The following PLXNA4 variants were observed in gnomAD, a reference collection of about 807,000 sequenced individuals.
PLXNA4 encodes plexin-A4.
Under a neutral mutation model 191.8 loss-of-function variants are expected in PLXNA4, and 44 were observed. That is an observed-to-expected ratio of 0.23 (90% confidence interval 0.18 to 0.29). The LOEUF is 0.29. PLXNA4 is among the 10% of genes least tolerant of loss of function. The probability of loss-of-function intolerance (pLI) is 1.00; values close to 1 mark genes in which losing one functional copy is unlikely to be tolerated. For synonymous variants in PLXNA4, 1,082 were observed against 1,009.5 expected, an observed-to-expected ratio of 1.07 and a Z score of -1.36; for missense variants, 1,800 against 2,488.8, an observed-to-expected ratio of 0.72 and a Z score of 5.89.
intron 1 of PLXNA4, among the ~76,000 whole-genome samples, chr7:132,550,941 C>T (rs1201987870): frequency 6.6e-6 from 1 of 152,218 alleles, no homozygotes; most frequent in Non-Finnish European, 1.5e-5. Context: ...CCACCTCTTC[C>T]TTCTCCTGCA....
intron 4 of PLXNA4, 58 bp downstream of exon 4, chr7:132,298,033 G>T (rs1801167015): frequency 6.2e-7 from 1 of 1,608,198 alleles, no homozygotes; most frequent in Non-Finnish European, 8.5e-7. Flanking sequence ...TTTGTACTGA[G>T]CCACAGGCTA....
chr7:132,145,774 A>G (rs1315000850), intron 28 of PLXNA4, among the ~76,000 whole-genome samples: 2 of 152,052 alleles, frequency 1.3e-5, no homozygotes, highest in East Asian at 3.9e-4. Flanking sequence ...AACCAGGATT[A>G]GAAATGGTGC....
chr7:132,296,254 C>T (rs1372533868), intron 4 of PLXNA4, among the ~76,000 whole-genome samples: 5 of 152,094 alleles, frequency 3.3e-5, no homozygotes, highest in Admixed American at 6.6e-5. Context: ...TGCCTCATTG[C>T]CAAGCCTGAA....
rs111535599 is a variant in PLXNA4 at position 132,605,509 on chromosome 7, T to TG, written c.-87+40418dup. On this transcript the variant is annotated intron_variant, in intron 2 of 4. Transcript: ENST00000378539. ...AAGGGCTTGGAAGCATGATGGTGCT[T>TG]GGGGGGCCTGTTAGGAAGTGGGTAG... Among the ~76,000 whole-genome samples the TG allele has an allele frequency of 8.2e-4, 125 of 152,104 alleles. 1 individual carries two copies. The highest frequency in any genetic ancestry group is 2.8e-3 in the African/African-American group (117 of 41,514).
intron 4 of PLXNA4, among the ~76,000 whole-genome samples, chr7:132,286,407 G>A (rs1219555257): frequency 1.3e-5 from 2 of 152,184 alleles, no homozygotes; most frequent in African/African-American, 4.8e-5. Flanking sequence ...AGAGTGCCCC[G>A]AAAGTAACAG....
At chr7:132,246,496 A>G (rs1307603353) in intron 4 of PLXNA4, among the ~76,000 whole-genome samples, 2 of 152,166 alleles carry the variant, frequency 1.3e-5, no homozygotes, top group Admixed American at 6.5e-5. Flanking sequence ...CTCAATTCAA[A>G]TAACTCACAA....
intron 2 of PLXNA4, among the ~76,000 whole-genome samples, chr7:132,491,960 C>A (rs2075421): frequency 6.6e-6 from 1 of 152,130 alleles, no homozygotes; most frequent in African/African-American, 2.4e-5. Context: ...ACCTGCCAGG[C>A]CTTCCAAGGG....
chr7:132,504,354 T>G (rs1798373443), intron 2 of PLXNA4, among the ~76,000 whole-genome samples: 1 of 152,194 alleles, frequency 6.6e-6, no homozygotes, highest in African/African-American at 2.4e-5. Context: ...CCAAAGCAGG[T>G]GCTGGGACCT....
intron 3 of PLXNA4, among the ~76,000 whole-genome samples, chr7:132,408,018 T>C (rs1794294168): frequency 6.6e-6 from 1 of 151,750 alleles, no homozygotes; most frequent in Admixed American, 6.6e-5. Flanking sequence ...CCAAAGGAAA[T>C]AGTCTGAAAT....
rs1795219352 is a variant in PLXNA4 at position 132,430,524 on chromosome 7, G to T, written c.1371+58768C>A. On this transcript the variant is annotated intron_variant, in intron 3 of 31. Transcript: ENST00000321063. ...AGTTGAGCTAAGCCTGACAAGATGA[G>T]TCGGATTAGGGTATGCACAGTTGGG... 2.0e-5 allele frequency among the ~76,000 whole-genome samples: 3 copies of T among 152,252 alleles called. No homozygotes were observed. The South Asian group carries it at 6.2e-4, about 32-fold the overall frequency.
intron 3 of PLXNA4, among the ~76,000 whole-genome samples, chr7:132,430,526 C>T (rs1049285511): frequency 2.0e-5 from 3 of 151,954 alleles, no homozygotes; most frequent in Non-Finnish European, 2.9e-5. Flanking sequence ...CAAGATGAGT[C>T]GGATTAGGGT....
chr7:132,145,306 G>T lies in PLXNA4; in HGVS notation c.5056-18C>A. On this transcript the variant is annotated intron_variant, in intron 28 of 31. Coordinates refer to ENST00000321063, the MANE Select transcript of PLXNA4 (RefSeq NM_020911.2). The stretch of plus-strand genomic sequence containing the variant: ...AGTGTGCCCTGGAGAGGCAGGATAC[G>T]TCCAGACACAGCTCGACTCACGTAG... 1 of 1,613,314 alleles carries T rather than the reference G, an allele frequency of 6.2e-7. No homozygotes were observed. Among genetic ancestry groups the T allele is most frequent in the Non-Finnish European group, 8.5e-7 (1 of 1,179,268 alleles).
At chr7:132,151,450 A>G (rs1342685150) in intron 25 of PLXNA4, among the ~76,000 whole-genome samples, 11 of 37,786 alleles carry the variant, frequency 2.9e-4, no homozygotes, top group Non-Finnish European at 3.6e-4. Context: ...GAGGAGGAAG[A>G]AGAAGGAGGA....
rs771221711 is a variant in PLXNA4 at position 132,179,936 on chromosome 7, G to A, written c.3640-15C>T. The A allele has an allele frequency of 3.1e-6, 5 of 1,592,730 alleles. 1 individual carries two copies. The highest frequency in any genetic ancestry group is 3.9e-4 in the Middle Eastern group (2 of 5,104). On this transcript the variant is annotated splice_polypyrimidine_tract_variant and intron_variant, in intron 19 of 31. Coordinates refer to ENST00000321063, the MANE Select transcript of PLXNA4 (RefSeq NM_020911.2). ...CCGACACGGGCCTGGGGGCACACAG[G>A]GCAAGAGGGAGCTGGGTGTGGGGAC...
intron 3 of PLXNA4, among the ~76,000 whole-genome samples, chr7:132,435,976 G>A (rs1236980134): frequency 2.0e-5 from 3 of 152,232 alleles, no homozygotes; most frequent in Non-Finnish European, 4.4e-5. Flanking sequence ...CTCTAAATTA[G>A]AGGTTTCTGG....
At chr7:132,534,033 A>G (rs1331773529) in intron 1 of PLXNA4, among the ~76,000 whole-genome samples, 1 of 152,168 alleles carries the variant, frequency 6.6e-6, no homozygotes, top group Non-Finnish European at 1.5e-5. Context: ...GGCTGAAGAA[A>G]GGGAAATAAA....
rs747618770 is a variant in PLXNA4, at chr7:132,404,731, G to T, written c.1371+84561C>A. On this transcript the variant is annotated intron_variant, in intron 3 of 31. Transcript: ENST00000321063. ...ATAGTAACAGCGCCACCTCATAGGG[G>T]TATAGAGATTGAGATAATTCATGTA... Among the ~76,000 whole-genome samples, 4 of 152,204 alleles carry T rather than the reference G, an allele frequency of 2.6e-5. 1 individual carries two copies. Among genetic ancestry groups the T allele is most frequent in the South Asian group, 4.1e-4 (2 of 4,832 alleles).
chr7:132,441,965 C>T (rs757570665), intron 3 of PLXNA4, among the ~76,000 whole-genome samples: 15 of 152,166 alleles, frequency 9.9e-5, no homozygotes, highest in African/African-American at 3.6e-4. Flanking sequence ...CACCAATGCT[C>T]GGTCAAAATC....
intron 11 of PLXNA4, 105 bp from the exon 12 acceptor site, chr7:132,202,941 G>T (rs966887810): frequency 5.7e-6 from 7 of 1,229,444 alleles, no homozygotes; most frequent in Non-Finnish European, 7.7e-6. Context: ...GGGTGATGGG[G>T]CACAAAGGCA....
Sources: gnomAD v4.1 joint callset for allele counts (sites outside exome capture counted in the v4.1 genomes callset) on GRCh38, gnomAD v4.1.1 for gene constraint, MANE v1.5 for transcripts, NCBI Gene and HGNC (gene_info 2026-07-23, HGNC 2026-07-21) for gene names.